Variants in SHLD2 observed in about 807,000 individuals in gnomAD.
SHLD2 encodes the protein RINN1-REV7-interacting novel NHEJ regulator 2.
Under a neutral mutation model 73.2 loss-of-function variants are expected in SHLD2, and 30 were observed. The observed-to-expected ratio is 0.41, with a 90% CI of 0.31 to 0.56. The LOEUF (loss-of-function observed/expected upper bound fraction) is 0.56. Among genes scored for constraint, SHLD2 ranks in the 20% least tolerant of loss-of-function variants. The pLI is 0.28. For synonymous variants in SHLD2, 285 were observed against 370.1 expected (o/e 0.77, Z 2.64); for missense variants, 745 against 1,055.9 (o/e 0.71, Z 4.08).
chr10:87,167,732 T>C (rs1847302365), intron 4 of SHLD2, among the ~76,000 whole-genome samples: 1 of 152,148 alleles, frequency 6.6e-6, no homozygotes, highest in Admixed American at 6.5e-5. Flanking sequence ...GCAGCCTCAG[T>C]CTCCCAGGCT....
chr10:87,165,392 A>C (rs184301810), intron 4 of SHLD2, among the ~76,000 whole-genome samples: 1 of 152,272 alleles, frequency 6.6e-6, no homozygotes, highest in Admixed American at 6.5e-5. Context: ...TTTATAAGAA[A>C]ACTCTTCAGA....
chr10:87,103,668 A>T (rs756940928), intron 2 of SHLD2, among the ~76,000 whole-genome samples: 1 of 152,218 alleles, frequency 6.6e-6, no homozygotes. Context: ...TTAACAAAAA[A>T]CAATAACAGA....
intron 2 of SHLD2, among the ~76,000 whole-genome samples, chr10:87,106,531 A>G (rs934054073): frequency 2.0e-5 from 3 of 152,218 alleles, no homozygotes; most frequent in Admixed American, 6.5e-5. Context: ...TTATACAATG[A>G]TAACAGTTTT....
chr10:87,107,727 A>AT (rs149793171), intron 2 of SHLD2, among the ~76,000 whole-genome samples: 133 of 152,350 alleles, frequency 8.7e-4, no homozygotes, highest in African/African-American at 3.0e-3. Flanking sequence ...CAGTCAGATC[A>AT]TATAGGCAAG....
chr10:87,136,651 G>A (rs1232619846), intron 2 of SHLD2, among the ~76,000 whole-genome samples: 1 of 152,016 alleles, frequency 6.6e-6, no homozygotes, highest in Admixed American at 6.6e-5. Flanking sequence ...ATCACTACAT[G>A]GATGATTCTA....
chr10:87,177,521 G>A (rs1231516750), intron 7 of SHLD2, among the ~76,000 whole-genome samples: 1 of 152,166 alleles, frequency 6.6e-6, no homozygotes, highest in African/African-American at 2.4e-5. Context: ...GGCCTGTTTA[G>A]CCTCTTTCAT....
chr10:87,155,080 G>T (rs1177441236), intron 3 of SHLD2, among the ~76,000 whole-genome samples: 1 of 152,094 alleles, frequency 6.6e-6, no homozygotes, highest in East Asian at 1.9e-4. Context: ...GACTACAGGC[G>T]CCTGCCACCG....
chr10:87,167,985 T>A (rs1378325743), intron 4 of SHLD2, among the ~76,000 whole-genome samples: 1 of 152,148 alleles, frequency 6.6e-6, no homozygotes, highest in Admixed American at 6.5e-5. Context: ...ACGACAGATG[T>A]TGGTAGGCTG....
intron 2 of SHLD2, among the ~76,000 whole-genome samples, chr10:87,118,203 C>G (rs997386820): frequency 6.6e-6 from 1 of 152,118 alleles, no homozygotes; most frequent in Non-Finnish European, 1.5e-5. Flanking sequence ...AAGCCTATAA[C>G]CAGTATGGAA....
chr10:87,169,223 G>A (rs1430006661), intron 4 of SHLD2, among the ~76,000 whole-genome samples: 1 of 152,166 alleles, frequency 6.6e-6, no homozygotes, highest in African/African-American at 2.4e-5. Flanking sequence ...TTATGTACAA[G>A]TTCACAGAGC....
At chr10:87,099,711 A>C (rs891615471) in intron 2 of SHLD2, among the ~76,000 whole-genome samples, 25 of 152,366 alleles carry the variant, frequency 1.6e-4, no homozygotes, top group African/African-American at 5.8e-4. Flanking sequence ...GGTACTGCCA[A>C]ACTTTTCCAC....
At chr10:87,108,312 G>A (rs1158755566) in intron 2 of SHLD2, among the ~76,000 whole-genome samples, 1 of 152,214 alleles carries the variant, frequency 6.6e-6, no homozygotes, top group Non-Finnish European at 1.5e-5. Context: ...GCCTCCCAAA[G>A]TGCTAGGATT....
chr10:87,151,947 G>A lies in SHLD2; in HGVS notation c.593G>A (p.Cys198Tyr), dbSNP rs371381145. The A allele has an allele frequency of 1.2e-6, 2 of 1,611,478 alleles. No homozygotes were observed. The highest frequency in any genetic ancestry group is 8.5e-7 in the Non-Finnish European group (1 of 1,179,396). The change falls in exon 3 of 10, where the codon TGT becomes TAT. Residue 198 changes from cysteine to tyrosine, a missense_variant. Cys to Tyr is a radical substitution (Grantham distance 194). Around this residue, in one of 5 missense-constraint regions of SHLD2, gnomAD observed 280 missense variants for 353.9 expected, o/e 0.79. Transcript: ENST00000298786. The part of the protein sequence containing the change: ...NIGPEVVQRE[C>Y]VPTEYHEIQN... ...GGGCCTGAAGTGGTACAAAGAGAGT[G>A]TGTGCCAACAGAATATCATGAAATA... is the stretch of plus-strand genomic sequence containing the variant.
chr10:87,124,682 TAACAAATATTTA>T (rs1041857586), intron 2 of SHLD2, among the ~76,000 whole-genome samples: 2 of 152,186 alleles, frequency 1.3e-5, no homozygotes, highest in African/African-American at 2.4e-5. Flanking sequence ...ACATTTGTTT[TAACAAATATTTA>T]TACACCCTTT....
chr10:87,112,422 TGAGAGAC>T (rs919243292), intron 2 of SHLD2, among the ~76,000 whole-genome samples: 1 of 152,098 alleles, frequency 6.6e-6, no homozygotes, highest in African/African-American at 2.4e-5. Flanking sequence ...CCCAGCACTT[TGAGAGAC>T]TAAGTCAGGA....
At chr10:87,150,622 G>A (rs1407009609) in intron 2 of SHLD2, among the ~76,000 whole-genome samples, 22 of 151,480 alleles carry the variant, frequency 1.5e-4, no homozygotes, top group African/African-American at 2.2e-4. Context: ...TTAGCCGGGC[G>A]TGGTGGCACA....
At chr10:87,147,885 T>TG (rs1344736757) in intron 2 of SHLD2, among the ~76,000 whole-genome samples, 194 of 151,800 alleles carry the variant, frequency 1.3e-3, no homozygotes, top group Middle Eastern at 3.4e-3. Context: ...TTTTTTTTTT[T>TG]GAGACAGAGT....
chr10:87,159,052 A>G (rs963971000), intron 4 of SHLD2, among the ~76,000 whole-genome samples: 1 of 152,196 alleles, frequency 6.6e-6, no homozygotes, highest in Admixed American at 6.5e-5. Context: ...CTAGCAAAAT[A>G]TATTTGATAA....
intron 2 of SHLD2, among the ~76,000 whole-genome samples, chr10:87,103,886 T>C (rs571925609): frequency 6.6e-6 from 1 of 152,294 alleles, no homozygotes; most frequent in East Asian, 1.9e-4. Flanking sequence ...ATGAACAATA[T>C]AGGATCTTAT....
Sources: gnomAD v4.1 joint callset for allele counts (sites outside exome capture counted in the v4.1 genomes callset) on GRCh38, gnomAD v4.1.1 for gene constraint, gnomAD v4.1.1 regional missense constraint, MANE v1.5 for transcripts, NCBI Gene and HGNC (gene_info 2026-07-23, HGNC 2026-07-21) for gene names.